The following PRP4K variants were observed in gnomAD, a reference collection of about 807,000 sequenced individuals.
PRP4K encodes the protein serine/threonine-protein kinase PRP4 homolog.
chr6:4,032,293 C>A, the PRP4K span: 1 of 1,613,108 alleles, frequency 6.2e-7, no homozygotes, highest in Non-Finnish European at 8.5e-7. Context: ...AGATCTCCTA[C>A]TGATGATAAG....
chr6:4,039,066 CT>C, the PRP4K span, among the ~76,000 whole-genome samples: 6 of 151,866 alleles, frequency 4.0e-5, no homozygotes, highest in African/African-American at 1.5e-4. Flanking sequence ...GATTTTTGTT[CT>C]TTATAGTTTT....
the PRP4K span, chr6:4,047,297 A>C: frequency 2.2e-6 from 3 of 1,371,504 alleles, no homozygotes; most frequent in Non-Finnish European, 3.1e-6. Context: ...TAACAAATAT[A>C]TTGGTGCGTA....
At chr6:4,044,798 A>T in the PRP4K span, among the ~76,000 whole-genome samples, 1 of 151,848 alleles carries the variant, frequency 6.6e-6, no homozygotes, top group Non-Finnish European at 1.5e-5. Context: ...TTACAGTTCC[A>T]TATAGTGAAC....
At chr6:4,059,126 CAT>C in the PRP4K span, among the ~76,000 whole-genome samples, 1 of 152,158 alleles carries the variant, frequency 6.6e-6, no homozygotes, top group Non-Finnish European at 1.5e-5. Flanking sequence ...TTTCTGAAAA[CAT>C]ATCTGGTCAT....
chr6:4,044,689 T>G, the PRP4K span, among the ~76,000 whole-genome samples: 2 of 152,050 alleles, frequency 1.3e-5, no homozygotes, highest in African/African-American at 4.8e-5. Flanking sequence ...GTATTCAATA[T>G]AGCTTTCTTA....
the PRP4K span, among the ~76,000 whole-genome samples, chr6:4,021,766 TCGCGCTTTC>T: frequency 1.3e-5 from 2 of 152,152 alleles, no homozygotes; most frequent in African/African-American, 4.8e-5. Context: ...GGCAGTGAGG[TCGCGCTTTC>T]CTATGCCTCT....
chr6:4,041,213 T>A, the PRP4K span, among the ~76,000 whole-genome samples: 6 of 152,222 alleles, frequency 3.9e-5, no homozygotes, highest in Non-Finnish European at 8.8e-5. Context: ...ACATTAGTCC[T>A]GCCGGCCAGA....
the PRP4K span, chr6:4,042,505 A>G: frequency 6.2e-7 from 1 of 1,610,958 alleles, no homozygotes; most frequent in South Asian, 1.1e-5. Flanking sequence ...ACTTTGATGT[A>G]GAGGAAGAAG....
chr6:4,057,158 A>G, the PRP4K span: 1 of 1,612,648 alleles, frequency 6.2e-7, no homozygotes, highest in South Asian at 1.1e-5. Context: ...GAAGCTTGCA[A>G]TGGATCTCAA....
the PRP4K span, among the ~76,000 whole-genome samples, chr6:4,046,912 C>T: frequency 5.9e-5 from 9 of 152,190 alleles, no homozygotes; most frequent in Admixed American, 5.9e-4. Flanking sequence ...CCCACCTCAG[C>T]CTCCCAAAGT....
the PRP4K span, among the ~76,000 whole-genome samples, chr6:4,044,725 T>C: frequency 6.6e-6 from 1 of 152,114 alleles, no homozygotes; most frequent in African/African-American, 2.4e-5. Flanking sequence ...ACCAGCAAAC[T>C]TTTTGTCTAA....
At chr6:4,056,013 T>G in the PRP4K span, among the ~76,000 whole-genome samples, 2 of 152,322 alleles carry the variant, frequency 1.3e-5, no homozygotes, top group African/African-American at 4.8e-5. Flanking sequence ...GATGCTTTGC[T>G]TCATGAAATT....
the PRP4K span, among the ~76,000 whole-genome samples, chr6:4,036,621 C>T: frequency 2.0e-5 from 3 of 152,032 alleles, no homozygotes; most frequent in African/African-American, 4.8e-5. Context: ...CTCAGGCGGT[C>T]CTCCCTCAGC....
the PRP4K span, among the ~76,000 whole-genome samples, chr6:4,047,898 ATG>A: frequency 2.6e-5 from 3 of 115,786 alleles, no homozygotes; most frequent in South Asian, 9.0e-4. Context: ...AGTCATGTAT[ATG>A]TACACACACA....
the PRP4K span, among the ~76,000 whole-genome samples, chr6:4,034,935 A>C: frequency 4.0e-5 from 6 of 151,776 alleles, 1 homozygote; most frequent in African/African-American, 1.2e-4. Context: ...CTGGTCTTGA[A>C]CTTCTGACCT....
chr6:4,025,835 T>C, the PRP4K span, among the ~76,000 whole-genome samples: 1 of 152,186 alleles, frequency 6.6e-6, no homozygotes, highest in African/African-American at 2.4e-5. Context: ...GTTGATGAAA[T>C]GTAAGTAATT....
chr6:4,041,166 G>A, the PRP4K span, among the ~76,000 whole-genome samples: 1 of 152,128 alleles, frequency 6.6e-6, no homozygotes, highest in East Asian at 1.9e-4. Context: ...TCATTTTATT[G>A]TGAGCCTACC....
At chr6:4,023,073 A>G in the PRP4K span, among the ~76,000 whole-genome samples, 1 of 152,190 alleles carries the variant, frequency 6.6e-6, no homozygotes, top group South Asian at 2.1e-4. Context: ...CTTGGTGTAA[A>G]TGGAATATTT....
At chr6:4,057,040 A>T in the PRP4K span, 11 of 1,561,638 alleles carry the variant, frequency 7.0e-6, no homozygotes, top group Non-Finnish European at 9.5e-6. Flanking sequence ...TTTCAGTTAT[A>T]GGTAAAAGCT....
Sources: allele counts gnomAD v4.1 joint callset (sites outside exome capture counted in the v4.1 genomes callset), GRCh38; gene constraint gnomAD v4.1.1; transcripts MANE v1.5; gene names NCBI Gene and HGNC (gene_info 2026-07-23, HGNC 2026-07-21).